The following VAV3 variants were observed in gnomAD, a reference collection of about 807,000 sequenced individuals.
VAV3 encodes the protein vav guanine nucleotide exchange factor 3.
Under a neutral mutation model 131.2 loss-of-function variants are expected in VAV3, and 94 were observed. That is an observed-to-expected ratio of 0.72 (90% confidence interval 0.61 to 0.85). VAV3 has a LOEUF of 0.85. Among genes scored for constraint, VAV3 ranks in the 40% least tolerant of loss-of-function variants. The pLI, the probability that VAV3 is intolerant of heterozygous loss-of-function variation, is 0.00. For missense variants in VAV3, 939 were observed against 1,002.7 expected (o/e 0.94, Z 0.86); for synonymous variants, 349 against 342.0 (o/e 1.02, Z -0.22).
At position 107,573,180 on chromosome 1, in the gene VAV3, C is replaced by T. The variant is rs956791059; in HGVS notation, c.*151G>A. 3.4e-5 allele frequency: 27 copies of T among 791,252 alleles called. No individual in the cohort carries two copies. The East Asian group carries it at 5.9e-4, about 17-fold the overall frequency. 49.0% of individuals were successfully genotyped at this position (791,252 alleles called of 1,614,324 possible). On this transcript the variant is annotated 3_prime_UTR_variant, in exon 27 of 27. Transcript: ENST00000370056. ...GTACCAGCATCTTTAGAAATCTCAG[C>T]ATTAAGACTTAGGAGGGGCTAAGGA...
rs544516084 is a variant in VAV3 at position 107,832,971 on chromosome 1, A to G, written c.321+41930T>C. Among the ~76,000 whole-genome samples the G allele has an allele frequency of 2.0e-5, 3 of 152,372 alleles. No homozygotes were observed. The South Asian group carries it at 6.2e-4, about 32-fold the overall frequency. On this transcript the variant is annotated intron_variant, in intron 2 of 26. Coordinates refer to ENST00000370056, the MANE Select transcript of VAV3 (RefSeq NM_006113.5). ...TATCAAAAGTTTTAAAAAGTTTGAT[A>G]TAACAGTGAAAATCTAATGAGAAAT...
intron 1 of VAV3, among the ~76,000 whole-genome samples, chr1:107,942,520 T>C (rs1295533173): frequency 6.6e-6 from 1 of 152,218 alleles, no homozygotes. Flanking sequence ...TAATTGGTAA[T>C]CATTAGAGTG....
chr1:107,695,449 G>T (rs575672831), intron 17 of VAV3, among the ~76,000 whole-genome samples: 19 of 152,136 alleles, frequency 1.2e-4, no homozygotes, highest in Non-Finnish European at 2.6e-4. Context: ...GAACAGGAAA[G>T]TGAATCAAGA....
intron 15 of VAV3, among the ~76,000 whole-genome samples, chr1:107,719,559 A>G (rs1280005135): frequency 6.6e-6 from 1 of 152,236 alleles, no homozygotes; most frequent in Non-Finnish European, 1.5e-5. Context: ...AAGTCAGGAA[A>G]CAAGTGCTGG....
At chr1:107,836,180 C>T (rs1018580353) in intron 2 of VAV3, among the ~76,000 whole-genome samples, 1 of 152,106 alleles carries the variant, frequency 6.6e-6, no homozygotes, top group Non-Finnish European at 1.5e-5. Flanking sequence ...ACAAATTGGA[C>T]CTAATAGACA....
At position 107,596,433 on chromosome 1, in the gene VAV3, C is replaced by A. The variant is rs527862128; in HGVS notation, c.2221-92G>T. On this transcript the variant is annotated intron_variant, in intron 24 of 26. Coordinates refer to ENST00000370056, the MANE Select transcript of VAV3 (RefSeq NM_006113.5). ...GAGCACATAAATACAATAAGGATGACCAATTTAATGCTAAATTTTCCATAG... is the reference window on the plus strand; with the variant it reads ...GAGCACATAAATACAATAAGGATGAACAATTTAATGCTAAATTTTCCATAG... The A allele has an allele frequency of 6.5e-6, 9 of 1,381,628 alleles. No individual in the cohort carries two copies. The African/African-American group carries it at 1.0e-4, about 16-fold the overall frequency. 85.6% of individuals were successfully genotyped at this position (1,381,628 alleles called of 1,614,324 possible).
At position 107,573,104 on chromosome 1, in the gene VAV3, A is replaced by G; in HGVS notation, c.*227T>C. The G allele has an allele frequency of 2.0e-6, 1 of 499,032 alleles. No homozygotes were observed. The highest frequency in any genetic ancestry group is 3.5e-6 in the Non-Finnish European group (1 of 288,390). The allele number at this position is 499,032 out of a possible 1,614,324, so 30.9% of individuals were successfully genotyped here. A position where few individuals can be genotyped will look rare whatever the true frequency, so the allele number is the denominator to read the frequency against. On this transcript the variant is annotated 3_prime_UTR_variant, in exon 27 of 27. Transcript: ENST00000370056. ...TTTTGCCCTGGTCCCTGACAATGAC[A>G]GACTGGCAGGCTGTTTCTTGCACAG...
intron 12 of VAV3, among the ~76,000 whole-genome samples, chr1:107,753,016 C>G (rs138020928): frequency 6.6e-6 from 1 of 151,956 alleles, no homozygotes; most frequent in African/African-American, 2.4e-5. Context: ...AATAATATAA[C>G]AGTATTATTC....
At chr1:107,706,044 G>A (rs1454655746) in intron 15 of VAV3, among the ~76,000 whole-genome samples, 1 of 152,090 alleles carries the variant, frequency 6.6e-6, no homozygotes, top group Non-Finnish European at 1.5e-5. Flanking sequence ...AGTAATTGAG[G>A]TTTTTGCTAT....
intron 1 of VAV3, among the ~76,000 whole-genome samples, chr1:107,933,411 A>G (rs1225163338): frequency 2.6e-5 from 4 of 152,170 alleles, no homozygotes; most frequent in Non-Finnish European, 4.4e-5. Context: ...AATTCTGAAT[A>G]TAAATGTCCT....
chr1:107,818,532 A>G (rs934454278), intron 2 of VAV3, among the ~76,000 whole-genome samples: 4 of 152,172 alleles, frequency 2.6e-5, no homozygotes, highest in Non-Finnish European at 5.9e-5. Context: ...AACAAACTAT[A>G]ATATGATGGT....
rs1649641711 is a variant in VAV3 at position 107,576,284 on chromosome 1, T to C, written c.2351-2086A>G. On this transcript the variant is annotated intron_variant, in intron 25 of 26. Transcript: ENST00000370056. The stretch of plus-strand genomic sequence containing the variant: ...CATGGTGGTAATGGAACTCGAGGGA[T>C]TGTCTGTGAGGAGATGTATCCGTAT... 5.7e-6 allele frequency: 5 copies of C among 875,340 alleles called. No homozygotes were observed. In the South Asian group the frequency reaches 8.8e-5, roughly 15 times the overall value. 54.2% of individuals were successfully genotyped at this position (875,340 alleles called of 1,614,324 possible).
At chr1:107,923,264 C>G (rs933902557) in intron 1 of VAV3, among the ~76,000 whole-genome samples, 1 of 152,066 alleles carries the variant, frequency 6.6e-6, no homozygotes, top group African/African-American at 2.4e-5. Context: ...AATAATGAGT[C>G]CCACTGCATC....
intron 15 of VAV3, among the ~76,000 whole-genome samples, chr1:107,712,234 A>G (rs868277887): frequency 6.6e-6 from 1 of 152,212 alleles, no homozygotes; most frequent in Admixed American, 6.5e-5. Flanking sequence ...AATGTTTTAA[A>G]CTGTGTGAAT....
chr1:107,718,195 A>C (rs1661239803), intron 15 of VAV3, among the ~76,000 whole-genome samples: 2 of 152,310 alleles, frequency 1.3e-5, no homozygotes, highest in South Asian at 2.1e-4. Context: ...TACTGTTGGA[A>C]GTTCTGGCCA....
chr1:107,750,420 G>A lies in VAV3; in HGVS notation c.1259+697C>T, dbSNP rs1222149298. ...TTGTGTATTTTTATAAACTCTCAGTGATTAACACACATTTTTTTTATACAC... is the reference window on the plus strand; with the variant it reads ...TTGTGTATTTTTATAAACTCTCAGTAATTAACACACATTTTTTTTATACAC... On this transcript the variant is annotated intron_variant, in intron 13 of 26. Coordinates refer to ENST00000370056, the MANE Select transcript of VAV3 (RefSeq NM_006113.5). Among the ~76,000 whole-genome samples, 6 of 152,040 alleles carry A rather than the reference G, an allele frequency of 3.9e-5. No individual in the cohort carries two copies. In the South Asian group the frequency reaches 8.3e-4, roughly 21 times the overall value.
intron 1 of VAV3, among the ~76,000 whole-genome samples, chr1:107,877,174 TA>T: frequency 1.3e-5 from 2 of 152,262 alleles, no homozygotes; most frequent in South Asian, 4.1e-4. Context: ...GCTTTCACTT[TA>T]AAAAATTCAT....
intron 1 of VAV3, among the ~76,000 whole-genome samples, chr1:107,960,910 T>C (rs527818509): frequency 2.2e-4 from 34 of 151,484 alleles, no homozygotes; most frequent in South Asian, 4.1e-4. Context: ...ACATTATAGA[T>C]AAATATATAA....
At chr1:107,958,847 A>G (rs436666) in intron 1 of VAV3, among the ~76,000 whole-genome samples, 145,851 of 152,146 alleles carry the variant, frequency 0.96, 70,181 homozygotes, top group East Asian at 1. Context: ...CTCATTCTTC[A>G]TATATAGATA....
Sources: gnomAD v4.1 joint callset for allele counts (sites outside exome capture counted in the v4.1 genomes callset) on GRCh38, gnomAD v4.1.1 for gene constraint, MANE v1.5 for transcripts, NCBI Gene and HGNC (gene_info 2026-07-23, HGNC 2026-07-21) for gene names.